NUP58: variants seen among roughly 807,000 people sequenced by gnomAD.
The protein encoded by NUP58 is nucleoporin 58, also known as nucleoporin p58/p45.
NUP58 carries 17 observed loss-of-function variants against 70.1 expected under a neutral mutation model. That is an observed-to-expected ratio of 0.24 (90% CI 0.17 to 0.36). The LOEUF (loss-of-function observed/expected upper bound fraction) is 0.36, where lower values mean the gene tolerates loss of function less well. Among genes scored for constraint, NUP58 ranks in the 10% least tolerant of loss-of-function variants. The probability of loss-of-function intolerance (pLI) is 1.00; values close to 1 mark genes in which losing one functional copy is unlikely to be tolerated. For missense variants in NUP58, 644 were observed against 701.5 expected (o/e 0.92, Z 0.93); for synonymous variants, 275 against 257.6 (o/e 1.07, Z -0.65).
In NUP58 at chr13:25,319,350, A is replaced by G. The variant is rs140200991; in HGVS notation, c.710A>G (p.Glu237Gly). 2.4e-5 allele frequency: 39 copies of G among 1,612,490 alleles called. No homozygotes were observed. Among genetic ancestry groups the G allele is most frequent in the Non-Finnish European group, 3.3e-5 (39 of 1,178,974 alleles). The change falls in exon 7 of 16, where the codon GAG becomes GGG. Residue 237 changes from glutamate (E) to glycine (G), a missense_variant and splice_region_variant. Coordinates refer to ENST00000381736, the MANE Select transcript of NUP58 (RefSeq NM_014089.4). ...KKSDKTGTRP[E>G]DSKALKDENL... ...GGTGATAAAACGGGAACAAGACCAG[A>G]GTAAGTTTACAAATTTACCCTTAAG...
chr13:25,344,942 G>C (rs2032031098), downstream of NUP58, among the ~76,000 whole-genome samples: 1 of 152,114 alleles, frequency 6.6e-6, no homozygotes, highest in Non-Finnish European at 1.5e-5. Flanking sequence ...ACCAAGACAG[G>C]CTTATTCAGT....
Position 25,301,869 on chromosome 13 carries a change from G to C in NUP58, c.96G>C (p.Thr32=), listed in dbSNP as rs11556094. The C allele has an allele frequency of 0.023, 37,771 of 1,611,628 alleles. 597 individuals are homozygous for C. The highest frequency in any genetic ancestry group is 0.029 in the Non-Finnish European group (33,895 of 1,178,394). ...TSTGGVFSFG[T]GASSNPSVGL... ...CAGGCGGCGTTTTCTCCTTCGGAAC[G>C]GGAGCGTCTAGGTAACCGCACTTTC... The change falls in exon 1 of 16, where the codon ACG becomes ACC. Residue 32 remains threonine, a synonymous_variant. Transcript: ENST00000381736.
At chr13:25,304,513 T>C (rs2030209615) in intron 1 of NUP58, among the ~76,000 whole-genome samples, 1 of 93,928 alleles carries the variant, frequency 1.1e-5, no homozygotes, top group African/African-American at 3.4e-5. Flanking sequence ...TATATATATA[T>C]ATATGTATTT....
intron 3 of NUP58, among the ~76,000 whole-genome samples, chr13:25,310,206 ATTTTTTTTTTT>A (rs796547133): frequency 2.1e-5 from 1 of 47,484 alleles, no homozygotes; most frequent in African/African-American, 6.5e-5. Context: ...CCCTTGGCTA[ATTTTTTTTTTT>A]TTTTTTTTTT....
At chr13:25,337,123 C>A in intron 14 of NUP58, 89 bp downstream of exon 14, 2 of 755,758 alleles carry the variant, frequency 2.6e-6, no homozygotes, top group Non-Finnish European at 4.0e-6. Context: ...AGAGAATCTC[C>A]TGCTATTTTG....
chr13:25,339,029 C>A (rs973180606), intron 15 of NUP58, among the ~76,000 whole-genome samples: 2 of 151,066 alleles, frequency 1.3e-5, no homozygotes, highest in Non-Finnish European at 2.9e-5. Context: ...AAATAATTTT[C>A]TTCATTATTA....
Position 25,301,704 on chromosome 13 carries a change from T to C in NUP58, c.-70T>C. The C allele has an allele frequency of 1.2e-6, 1 of 835,924 alleles. No individual in the cohort carries two copies. The highest frequency in any genetic ancestry group is 1.7e-6 in the Non-Finnish European group (1 of 572,740). 51.8% of individuals were successfully genotyped at this position (835,924 alleles called of 1,614,324 possible). On this transcript the variant is annotated 5_prime_UTR_variant, in exon 1 of 16. Transcript: ENST00000381736. ...CGAGAGAGATGCTGCCCGGCCCGCCTCGGCTTTGAGGCGAGAGAAGTGTCC... is the reference window on the plus strand; with the variant it reads ...CGAGAGAGATGCTGCCCGGCCCGCCCCGGCTTTGAGGCGAGAGAAGTGTCC...
intron 6 of NUP58, chr13:25,317,944 A>G (rs993357253): frequency 6.0e-5 from 9 of 150,410 alleles, no homozygotes; most frequent in African/African-American, 2.2e-4. Context: ...CCTCACTGCA[A>G]CCTCCACCTC....
downstream of NUP58, among the ~76,000 whole-genome samples, chr13:25,345,417 G>T (rs556777931): frequency 1.3e-3 from 197 of 152,210 alleles, 1 homozygote; most frequent in African/African-American, 4.6e-3. Context: ...TAAGTACCTA[G>T]GTCTATGTGA....
intron 1 of NUP58, among the ~76,000 whole-genome samples, chr13:25,302,626 A>T (rs567601168): frequency 6.6e-6 from 1 of 152,360 alleles, no homozygotes; most frequent in African/African-American, 2.4e-5. Flanking sequence ...TTTTAATGAG[A>T]GATTTAAGCT....
chr13:25,309,427 G>C (rs919179997), intron 3 of NUP58, 145 bp downstream of exon 3: 3 of 601,344 alleles, frequency 5.0e-6, no homozygotes, highest in Non-Finnish European at 8.5e-6. Flanking sequence ...TGACTTATCG[G>C]AGAACCTTTC....
At chr13:25,335,945 A>AT in intron 13 of NUP58, 1 of 1,100,142 alleles carries the variant, frequency 9.1e-7, no homozygotes, top group East Asian at 8.7e-5. Context: ...CAAATGAGAG[A>AT]TTTTTAGATT....
chr13:25,318,157 G>A (rs1286966272), intron 6 of NUP58, among the ~76,000 whole-genome samples: 3 of 151,958 alleles, frequency 2.0e-5, no homozygotes, highest in Non-Finnish European at 4.4e-5. Flanking sequence ...GTAAAACCCC[G>A]TCTCTACTAA....
At chr13:25,322,927 T>C (rs1475829572) in intron 9 of NUP58, among the ~76,000 whole-genome samples, 1 of 152,186 alleles carries the variant, frequency 6.6e-6, no homozygotes, top group Non-Finnish European at 1.5e-5. Context: ...TTTGAAATTA[T>C]ATATAAGTTA....
chr13:25,315,536 T>C, intron 6 of NUP58, 69 bp downstream of exon 6: 1 of 1,067,664 alleles, frequency 9.4e-7, no homozygotes, highest in Non-Finnish European at 1.4e-6. Context: ...TGCTCAAAAT[T>C]CCTTTGTGTG....
intron 12 of NUP58, among the ~76,000 whole-genome samples, chr13:25,329,996 T>A (rs1030598746): frequency 4.6e-5 from 7 of 152,122 alleles, no homozygotes; most frequent in African/African-American, 1.7e-4. Context: ...ACCTAGCTAA[T>A]TTTTTAACTT....
Position 25,339,974 on chromosome 13 carries a change from G to C in NUP58, c.1640G>C (p.Ser547Thr), listed in dbSNP as rs747547716. 3.1e-6 allele frequency: 5 copies of C among 1,599,782 alleles called. No homozygotes were observed. Among genetic ancestry groups the C allele is most frequent in the Non-Finnish European group, 4.3e-6 (5 of 1,175,274 alleles). Residue 547 changes from serine to threonine, a missense_variant, in exon 16 of 16, where the codon AGC becomes ACC. This residue lies in a region of NUP58 where 132 missense variants were observed against 203.9 expected (regional missense o/e 0.65). Coordinates refer to ENST00000381736, the MANE Select transcript of NUP58 (RefSeq NM_014089.4). The stretch of plus-strand genomic sequence containing the variant: ...TTTCCCTAAACATAAGGCTTTGGCA[G>C]CTCAAGTACATCTGGGTTTAACTTC... Reference protein sequence around the residue: ...PSGSLSAGFGSSSTSGFNFSN... With the variant: ...PSGSLSAGFGTSSTSGFNFSN...
rs72132780 is a variant in NUP58, at chr13:25,307,211, A to ATTTTTTTT, written c.108-581_108-574dup. On this transcript the variant is annotated intron_variant, in intron 1 of 15. Transcript: ENST00000381736. ...TGCTTTTCTTGAAATCTGGTATTGT[A>ATTTTTTTT]TTTTTTTTTTTTTTTTTTTTTGAGA... 4.2e-3 allele frequency among the ~76,000 whole-genome samples: 412 copies of ATTTTTTTT among 98,392 alleles called. 9 individuals are homozygous for ATTTTTTTT. Among genetic ancestry groups the ATTTTTTTT allele is most frequent in the Non-Finnish European group, 5.6e-3 (297 of 52,780 alleles). 64.5% of individuals were successfully genotyped at this position (98,392 alleles called of 152,430 possible).
In NUP58 at chr13:25,313,740, C is replaced by G; in HGVS notation, c.563C>G (p.Thr188Arg). Residue 188 changes from threonine (T) to arginine (R), a missense_variant, in exon 5 of 16, where the codon ACA becomes AGA. Thr to Arg is a moderately conservative substitution (Grantham distance 71, BLOSUM62 -1). Around this residue, in one of 4 missense-constraint regions of NUP58, gnomAD observed 430 missense variants for 409.2 expected, o/e 1.05. Transcript: ENST00000381736. ...LGGSLFQSTNTGTSGLGQNAL... is the reference protein window; with the variant it reads ...LGGSLFQSTNRGTSGLGQNAL... ...GGTTCACTTTTCCAGAGTACAAACA[C>G]AGGAACATCAGGTAATTGATGGTAT... is the stretch of plus-strand genomic sequence containing the variant. The G allele has an allele frequency of 6.6e-7, 1 of 1,524,874 alleles. No homozygotes were observed. The highest frequency in any genetic ancestry group is 1.5e-5 in the African/African-American group (1 of 68,604). 94.5% of individuals were successfully genotyped at this position (1,524,874 alleles called of 1,614,324 possible). A position where few individuals can be genotyped will look rare whatever the true frequency, so the allele number is the denominator to read the frequency against.
Sources: allele counts gnomAD v4.1 joint callset (sites outside exome capture counted in the v4.1 genomes callset), GRCh38; gene constraint gnomAD v4.1.1; regional missense constraint gnomAD v4.1.1; transcripts MANE v1.5; gene names NCBI Gene and HGNC (gene_info 2026-07-23, HGNC 2026-07-21).